The following WDFY3 variants were observed in gnomAD, a reference collection of about 807,000 sequenced individuals.
The protein encoded by WDFY3 is WD repeat and FYVE domain-containing protein 3.
Under a neutral mutation model 409.6 loss-of-function variants are expected in WDFY3, and 66 were observed. That is an observed-to-expected ratio of 0.16 (90% confidence interval 0.13 to 0.20). The LOEUF is 0.20. Among genes scored for constraint, WDFY3 ranks in the 10% least tolerant of loss-of-function variants. The pLI, the probability that WDFY3 is intolerant of heterozygous loss-of-function variation, is 1.00. For synonymous variants in WDFY3, 1,521 were observed against 1,537.1 expected (o/e 0.99, Z 0.25); for missense variants, 3,031 against 4,298.1 (o/e 0.71, Z 8.24).
intron 2 of WDFY3, among the ~76,000 whole-genome samples, chr4:84,913,379 G>A (rs1233297889): frequency 6.6e-6 from 1 of 152,164 alleles, no homozygotes; most frequent in African/African-American, 2.4e-5. Flanking sequence ...CAGATGTTGT[G>A]CACGATTTCG....
chr4:84,719,299 G>A (rs1406902161), intron 47 of WDFY3, among the ~76,000 whole-genome samples: 5 of 152,316 alleles, frequency 3.3e-5, no homozygotes, highest in Admixed American at 3.3e-4. Context: ...GGCAGAAGTT[G>A]TATTTTCCTC....
Position 84,755,350 on chromosome 4 carries a change from G to A in WDFY3, c.5475C>T (p.Ser1825=), listed in dbSNP as rs1040723967. The change falls in exon 34 of 68, where the codon AGC becomes AGT. Residue 1825 remains serine, a synonymous_variant. Transcript: ENST00000295888. ...TATGGATAGAAGAGACCACAGTTCCGCTGGAGGCAGGAACTCCAAAGATGA... is the reference window on the plus strand; with the variant it reads ...TATGGATAGAAGAGACCACAGTTCCACTGGAGGCAGGAACTCCAAAGATGA... The part of the protein sequence containing the change: ...WTFIFGVPAS[S]GTVVSSIHNV... The A allele has an allele frequency of 2.2e-5, 36 of 1,611,694 alleles. No individual in the cohort carries two copies. The highest frequency in any genetic ancestry group is 1.2e-4 in the African/African-American group (9 of 74,650).
At chr4:84,766,455 G>A in intron 30 of WDFY3, 83 bp from the exon 31 acceptor site, 2 of 1,322,858 alleles carry the variant, frequency 1.5e-6, no homozygotes, top group Non-Finnish European at 2.1e-6. Context: ...AAAGTTTACT[G>A]AAAAATATAT....
At chr4:84,940,958 A>G (rs940798247) in intron 1 of WDFY3, among the ~76,000 whole-genome samples, 1 of 152,056 alleles carries the variant, frequency 6.6e-6, no homozygotes, top group African/African-American at 2.4e-5. Flanking sequence ...ATCACTTGCA[A>G]AATTCAACAT....
At chr4:84,724,680 G>A in intron 45 of WDFY3, 86 bp from the exon 46 acceptor site, 1 of 1,452,490 alleles carries the variant, frequency 6.9e-7, no homozygotes, top group South Asian at 1.4e-5. Context: ...TGGTGTCAAG[G>A]TGTGTTACCT....
Position 84,808,401 on chromosome 4 carries a change from G to A in WDFY3, c.2362C>T (p.Pro788Ser). 1 of 1,613,852 alleles carries A rather than the reference G, an allele frequency of 6.2e-7. No individual in the cohort carries two copies. Among genetic ancestry groups the A allele is most frequent in the Non-Finnish European group, 8.5e-7 (1 of 1,179,814 alleles). Residue 788 changes from proline (P) to serine (S), a missense_variant, in exon 15 of 68, where the codon CCT becomes TCT. Pro to Ser is a moderately conservative substitution (Grantham distance 74). Coordinates refer to ENST00000295888, the MANE Select transcript of WDFY3 (RefSeq NM_014991.6). ...GAAGACTCACTTGTCAGGCAAGGAG[G>A]GATCTGTTCTGCACGACTACAGACA... ...DSFDSRAEQI[P>S]PCLTSESSLP... is the part of the protein sequence containing the mutation.
In WDFY3 at chr4:84,696,059, C is replaced by T. The variant is rs1560545532; in HGVS notation, c.8812G>A (p.Gly2938Ser). 1 of 1,614,038 alleles carries T rather than the reference C, an allele frequency of 6.2e-7. No individual in the cohort carries two copies. ...VNVFHHLFYE[G>S]QVDIYNINDP... ...TTGATGTTGTAGATATCCACTTGACCCTCATAAAAAAGATGATGGAAGACA... is the reference window on the plus strand; with the variant it reads ...TTGATGTTGTAGATATCCACTTGACTCTCATAAAAAAGATGATGGAAGACA... Residue 2938 changes from glycine (G) to serine (S), a missense_variant, in exon 58 of 68, where the codon GGT (glycine) becomes AGT (serine). Transcript: ENST00000295888.
rs1413472279 is a variant in WDFY3, at chr4:84,786,004, A to C, written c.4037T>G (p.Leu1346Trp). The C allele has an allele frequency of 1.2e-6, 2 of 1,613,700 alleles. No individual in the cohort carries two copies. Among genetic ancestry groups the C allele is most frequent in the South Asian group, 1.1e-5 (1 of 91,028 alleles). ...CTGCTTAGCAATGGCTTTGCTATCC[A>C]ATTTGTTATACACTTTCCGGATTCT... ...VARIRKVYNKLDSKAIAKQLG... is the reference protein window; with the variant it reads ...VARIRKVYNKWDSKAIAKQLG... Residue 1346 changes from leucine to tryptophan, a missense_variant, in exon 24 of 68, where the codon TTG becomes TGG. By Grantham distance (61) the Leu-to-Trp change is moderately conservative. Transcript: ENST00000295888.
At chr4:84,686,016 G>T (rs1295937298) in intron 62 of WDFY3, among the ~76,000 whole-genome samples, 1 of 152,182 alleles carries the variant, frequency 6.6e-6, no homozygotes, top group Non-Finnish European at 1.5e-5. Context: ...CCAACCCAAG[G>T]TGTTGTTCTG....
At chr4:84,714,437 T>A (rs1187855805) in intron 50 of WDFY3, among the ~76,000 whole-genome samples, 1 of 152,192 alleles carries the variant, frequency 6.6e-6, no homozygotes, top group Non-Finnish European at 1.5e-5. Flanking sequence ...AAGGTAAATT[T>A]TAAATATAGT....
chr4:84,720,569 G>C (rs1354091591), intron 47 of WDFY3, among the ~76,000 whole-genome samples: 1 of 152,080 alleles, frequency 6.6e-6, no homozygotes, highest in Non-Finnish European at 1.5e-5. Context: ...TGTCCTGGCG[G>C]TAATGAGTCC....
intron 37 of WDFY3, 30 bp downstream of exon 37, chr4:84,743,670 T>G: frequency 1.3e-6 from 2 of 1,490,458 alleles, no homozygotes; most frequent in Non-Finnish European, 1.8e-6. Context: ...TGATTATAGG[T>G]ATTTCTATAA....
intron 56 of WDFY3, among the ~76,000 whole-genome samples, chr4:84,700,641 C>T (rs1314634810): frequency 2.0e-5 from 3 of 152,138 alleles, no homozygotes; most frequent in Admixed American, 6.5e-5. Flanking sequence ...TGTAAGTGGT[C>T]GGTCTGGAAC....
chr4:84,850,928 G>GTTTTTTTTTTTTTATTTTTTTTTTTTT (rs1758869159), intron 4 of WDFY3, among the ~76,000 whole-genome samples: 1 of 46,218 alleles, frequency 2.2e-5, no homozygotes, highest in African/African-American at 9.3e-5. Context: ...TTATTTATCT[G>GTTTTTTTTTTTTTATTTTTTTTTTTTT]TTTTTTTTTT....
At chr4:84,863,061 T>C (rs1338171546) in intron 3 of WDFY3, among the ~76,000 whole-genome samples, 1 of 152,246 alleles carries the variant, frequency 6.6e-6, no homozygotes, top group Non-Finnish European at 1.5e-5. Context: ...GGACGAATAA[T>C]ATTCCACTCT....
At chr4:84,709,154 A>AC in intron 52 of WDFY3, 126 bp from the exon 53 acceptor site, 1 of 1,429,898 alleles carries the variant, frequency 7.0e-7, no homozygotes, top group Non-Finnish European at 9.5e-7. Context: ...ACAATGAAAT[A>AC]CTTTTTTTTC....
chr4:84,894,531 A>G (rs1281938645), intron 3 of WDFY3, among the ~76,000 whole-genome samples: 1 of 152,094 alleles, frequency 6.6e-6, no homozygotes, highest in Non-Finnish European at 1.5e-5. Flanking sequence ...TCATGCCTGT[A>G]GTCCTAGCAC....
rs1738845992 is a variant in WDFY3, at chr4:84,743,717, G to A, written c.6056C>T (p.Ala2019Val). The part of the protein sequence containing the change: ...ILDSVMDHLL[A>V]ADVLLGEDAS... ...AGAATTACCTAATAACACATCAGCT[G>A]CAAGCAAATGGTCCATCACGCTATC... Residue 2019 changes from alanine to valine, a missense_variant, in exon 37 of 68, where the codon GCA becomes GTA. Physicochemically the swap from Ala to Val is moderately conservative, Grantham distance 64 (BLOSUM62 0). Around this residue, in one of 16 missense-constraint regions of WDFY3, gnomAD observed 314 missense variants for 397.4 expected, o/e 0.79. Coordinates refer to ENST00000295888, the MANE Select transcript of WDFY3 (RefSeq NM_014991.6). 2.5e-6 allele frequency: 4 copies of A among 1,574,498 alleles called. No individual in the cohort carries two copies. The highest frequency in any genetic ancestry group is 3.5e-5 in the Admixed American group (2 of 57,540).
At position 84,753,903 on chromosome 4, in the gene WDFY3, C is replaced by A. The variant is rs188361673; in HGVS notation, c.5560-27G>T. The stretch of plus-strand genomic sequence containing the variant: ...TGTTATGGGGACATGAGAGGAAACA[C>A]TATGTTACAGTTATTGACACTGCTA... On this transcript the variant is annotated intron_variant, in intron 34 of 67. Transcript: ENST00000295888. 46 of 1,541,088 alleles carry A rather than the reference C, an allele frequency of 3.0e-5. No individual in the cohort carries two copies. In the Admixed American group the frequency reaches 5.9e-4, roughly 20 times the overall value.
Sources: allele counts gnomAD v4.1 joint callset (sites outside exome capture counted in the v4.1 genomes callset), GRCh38; gene constraint gnomAD v4.1.1; regional missense constraint gnomAD v4.1.1; transcripts MANE v1.5; gene names NCBI Gene and HGNC (gene_info 2026-07-23, HGNC 2026-07-21).